Variants in SLC35F2 observed in about 807,000 individuals in gnomAD.
SLC35F2 encodes queuine/queuosine transporter SLC35F2.
SLC35F2 carries 25 observed loss-of-function variants against 38.1 expected under a neutral mutation model. The observed-to-expected ratio is 0.66, with a 90% CI of 0.48 to 0.92. SLC35F2 has a LOEUF of 0.92. Ranked by LOEUF, SLC35F2 falls within the 40% of genes least tolerant of loss-of-function variation. The pLI is 0.00. For synonymous variants in SLC35F2, 173 were observed against 181.7 expected (o/e 0.95, Z 0.38); for missense variants, 409 against 452.9 (o/e 0.90, Z 0.88).
intron 1 of SLC35F2, among the ~76,000 whole-genome samples, chr11:107,818,900 G>C (rs1316909575): frequency 6.6e-6 from 1 of 152,148 alleles, no homozygotes; most frequent in Non-Finnish European, 1.5e-5. Context: ...CAGCACTTTG[G>C]GAAGCTGAGG....
intron 1 of SLC35F2, among the ~76,000 whole-genome samples, chr11:107,843,731 T>C (rs964826115): frequency 1.1e-4 from 17 of 150,316 alleles, no homozygotes; most frequent in Non-Finnish European, 2.1e-4. Flanking sequence ...TGCACCCCTG[T>C]AGTCCTAGCT....
At chr11:107,809,832 T>A (rs1859455307) in intron 3 of SLC35F2, 1 of 985,084 alleles carries the variant, frequency 1.0e-6, no homozygotes, top group African/African-American at 1.7e-5. Context: ...GAATTAACCT[T>A]TGACAATGAG....
chr11:107,795,383 G>A (rs1859201911), intron 7 of SLC35F2, among the ~76,000 whole-genome samples: 2 of 152,094 alleles, frequency 1.3e-5, no homozygotes, highest in African/African-American at 4.8e-5. Context: ...AAAACACAGG[G>A]AAACACTTTA....
At chr11:107,839,597 T>C (rs376939393) in intron 1 of SLC35F2, among the ~76,000 whole-genome samples, 14 of 152,366 alleles carry the variant, frequency 9.2e-5, no homozygotes, top group African/African-American at 3.4e-4. Flanking sequence ...ATAAAATCCA[T>C]GTATGATATC....
chr11:107,807,286 A>AAAAAAAAAAAC (rs71047625), intron 3 of SLC35F2, among the ~76,000 whole-genome samples: 2 of 87,268 alleles, frequency 2.3e-5, no homozygotes, highest in Non-Finnish European at 4.7e-5. Context: ...AAAAAAAAAA[A>AAAAAAAAAAAC]CAACAACAAA....
chr11:107,815,994 G>C, intron 1 of SLC35F2, 29 bp from the exon 2 acceptor site: 1 of 1,576,848 alleles, frequency 6.3e-7, no homozygotes, highest in East Asian at 2.3e-5. Flanking sequence ...AATCAGAACA[G>C]CATGCAAATA....
At chr11:107,802,608 C>A (rs541678477) in intron 7 of SLC35F2, among the ~76,000 whole-genome samples, 1 of 152,176 alleles carries the variant, frequency 6.6e-6, no homozygotes, top group Non-Finnish European at 1.5e-5. Context: ...ATCAGGTACT[C>A]CAGACTTTTT....
At chr11:107,849,327 T>C (rs974551876) in intron 1 of SLC35F2, among the ~76,000 whole-genome samples, 6 of 152,092 alleles carry the variant, frequency 3.9e-5, no homozygotes, top group Non-Finnish European at 7.4e-5. Flanking sequence ...TGATAAAGGC[T>C]TGAACTGAAT....
At position 107,843,862 on chromosome 11, in the gene SLC35F2, AAAAAAAATATATATATATAT is replaced by A. The variant is rs1443768717; in HGVS notation, c.110+14776_110+14795del. Among the ~76,000 whole-genome samples, 11 of 37,196 alleles carry A rather than the reference AAAAAAAATATATATATATAT, an allele frequency of 3.0e-4. 1 individual carries two copies. Among genetic ancestry groups the A allele is most frequent in the South Asian group, 2.1e-3 (2 of 956 alleles). 24.4% of individuals were successfully genotyped at this position (37,196 alleles called of 152,430 possible). ...TCTGTATCTTAAAAAAAAAAAAAAA[AAAAAAAATATATATATATAT>A]ATATATATATATATATATATATATA... is the stretch of plus-strand genomic sequence containing the variant. On this transcript the variant is annotated intron_variant, in intron 1 of 7. Transcript: ENST00000525815.
Position 107,791,884 on chromosome 11 carries a change from G to A in SLC35F2, c.*731C>T, listed in dbSNP as rs1454063866. On this transcript the variant is annotated 3_prime_UTR_variant, in exon 8 of 8. Coordinates refer to ENST00000525815, the MANE Select transcript of SLC35F2 (RefSeq NM_017515.5). ...AACTTAGCTGGGCGTGGGGCCACAT[G>A]CTTTTGTAATCCCAGCTACTAACAC... 1.3e-5 allele frequency: 2 copies of A among 151,438 alleles called. No homozygotes were observed. Among genetic ancestry groups the A allele is most frequent in the South Asian group, 4.2e-4 (2 of 4,816 alleles). The allele number at this position is 151,438 out of a possible 1,614,324, so 9.4% of individuals were successfully genotyped here.
Position 107,803,168 on chromosome 11 carries a change from AC to A in SLC35F2, c.785-14del. 6.3e-7 allele frequency: 1 copy of A among 1,591,664 alleles called. No individual in the cohort carries two copies. Among genetic ancestry groups the A allele is most frequent in the Non-Finnish European group, 8.5e-7 (1 of 1,172,434 alleles). ...ACGAACAGCAGGGCTGTGGAAAAAA[AC>A]ATGGAATATCTAATATTAGGGCAAG... On this transcript the variant is annotated splice_polypyrimidine_tract_variant and intron_variant, in intron 6 of 7. Coordinates refer to ENST00000525815, the MANE Select transcript of SLC35F2 (RefSeq NM_017515.5).
chr11:107,851,845 G>A lies in SLC35F2; in HGVS notation c.110+6813C>T, dbSNP rs1319160078. Among the ~76,000 whole-genome samples, 12 of 152,080 alleles carry A rather than the reference G, an allele frequency of 7.9e-5. No individual in the cohort carries two copies. In the East Asian group the frequency reaches 2.3e-3, roughly 29 times the overall value. Reference sequence around the variant, plus strand: ...ATCCAGAGTTCCCCAATTCCCCAGGGAACTGCACAAGCCACAAAAGATCCC... The same window carrying A: ...ATCCAGAGTTCCCCAATTCCCCAGGAAACTGCACAAGCCACAAAAGATCCC... On this transcript the variant is annotated intron_variant, in intron 1 of 7. Coordinates refer to ENST00000525815, the MANE Select transcript of SLC35F2 (RefSeq NM_017515.5).
chr11:107,835,045 G>C (rs1001416824), intron 1 of SLC35F2, among the ~76,000 whole-genome samples: 3 of 152,160 alleles, frequency 2.0e-5, no homozygotes, highest in Admixed American at 2.0e-4. Flanking sequence ...AAGTCCTGTA[G>C]AAAATGAGAG....
intron 7 of SLC35F2, among the ~76,000 whole-genome samples, chr11:107,793,943 C>T (rs4753817): frequency 0.093 from 14,185 of 152,000 alleles, 1,634 homozygotes; most frequent in East Asian, 0.28. Flanking sequence ...GGAAAGAACA[C>T]TAATTCATTG....
Position 107,837,416 on chromosome 11 carries a change from A to G in SLC35F2, c.110+21242T>C, listed in dbSNP as rs535278386. ...AAAAAACTGAAATAAGGCCAGGAGC[A>G]GCAGCTCATGCCTGTAATCCCAGCA... On this transcript the variant is annotated intron_variant, in intron 1 of 7. Coordinates refer to ENST00000525815, the MANE Select transcript of SLC35F2 (RefSeq NM_017515.5). Among the ~76,000 whole-genome samples the G allele has an allele frequency of 1.7e-3, 263 of 152,080 alleles. 1 individual carries two copies. Among genetic ancestry groups the G allele is most frequent in the African/African-American group, 5.1e-3 (210 of 41,496 alleles).
rs759192673 is a variant in SLC35F2 at position 107,792,600 on chromosome 11, C to A, written c.*15G>T. 6.3e-7 allele frequency: 1 copy of A among 1,591,418 alleles called. No individual in the cohort carries two copies. The highest frequency in any genetic ancestry group is 2.2e-5 in the East Asian group (1 of 44,480). ...GCTTTATCCTGGTGGGGGATGGGTG[C>A]GCCATCTTCTCCAGCTACAAGACAG... is the stretch of plus-strand genomic sequence containing the variant. On this transcript the variant is annotated 3_prime_UTR_variant, in exon 8 of 8. Transcript: ENST00000525815.
chr11:107,817,552 A>C (rs1408760672), intron 1 of SLC35F2, among the ~76,000 whole-genome samples: 1 of 152,076 alleles, frequency 6.6e-6, no homozygotes, highest in East Asian at 1.9e-4. Flanking sequence ...TCTCATGTCT[A>C]AAACCTTTCG....
Position 107,792,485 on chromosome 11 carries a change from A to T in SLC35F2, c.*130T>A. ...ACTTTGTTCAGTGTTCCTTTCTAAA[A>T]CCTAACCACTGGATCCAACCCAGGG... On this transcript the variant is annotated 3_prime_UTR_variant, in exon 8 of 8. Coordinates refer to ENST00000525815, the MANE Select transcript of SLC35F2 (RefSeq NM_017515.5). 9.3e-7 allele frequency: 1 copy of T among 1,076,590 alleles called. No homozygotes were observed. The allele number at this position is 1,076,590 out of a possible 1,614,324, so 66.7% of individuals were successfully genotyped here.
At chr11:107,828,244 G>A (rs1353538150) in intron 1 of SLC35F2, among the ~76,000 whole-genome samples, 2 of 152,114 alleles carry the variant, frequency 1.3e-5, no homozygotes, top group Non-Finnish European at 2.9e-5. Flanking sequence ...AGACCAGCCT[G>A]GCCAACATGG....
Sources: gnomAD v4.1 joint callset for allele counts (sites outside exome capture counted in the v4.1 genomes callset) on GRCh38, gnomAD v4.1.1 for gene constraint, MANE v1.5 for transcripts, NCBI Gene and HGNC (gene_info 2026-07-23, HGNC 2026-07-21) for gene names.